The following GUCY1A2 variants were observed in gnomAD, a reference collection of about 807,000 sequenced individuals.
The protein encoded by GUCY1A2 is guanylate cyclase 1 soluble subunit alpha 2, also known as guanylate cyclase soluble subunit alpha-2.
GUCY1A2 carries 27 observed loss-of-function variants against 63.5 expected under a neutral mutation model. That is an observed-to-expected ratio of 0.43 (90% CI 0.31 to 0.59). GUCY1A2 has a LOEUF of 0.59. Among genes scored for constraint, GUCY1A2 ranks in the 20% least tolerant of loss-of-function variants. The probability of loss-of-function intolerance (pLI) is 0.11; values close to 1 mark genes in which losing one functional copy is unlikely to be tolerated. For missense variants in GUCY1A2, 768 were observed against 913.3 expected (o/e 0.84, Z 2.05); for synonymous variants, 364 against 343.5 (o/e 1.06, Z -0.66).
chr11:106,675,602 T>A lies in GUCY1A2; in HGVS notation c.*11947A>T, dbSNP rs1205511953. 1 of 189,216 alleles carries A rather than the reference T, an allele frequency of 5.3e-6. No individual in the cohort carries two copies. The highest frequency in any genetic ancestry group is 1.1e-5 in the Non-Finnish European group (1 of 90,054). 11.7% of individuals were successfully genotyped at this position (189,216 alleles called of 1,614,324 possible). ...TAATTTCTTCTATTTTTCTCAACCATATTTCTTCTATTTTTACAATCATTA... is the reference window on the plus strand; with the variant it reads ...TAATTTCTTCTATTTTTCTCAACCAAATTTCTTCTATTTTTACAATCATTA... On this transcript the variant is annotated 3_prime_UTR_variant, in exon 8 of 8. Coordinates refer to ENST00000526355, the MANE Select transcript of GUCY1A2 (RefSeq NM_000855.3).
At position 106,680,812 on chromosome 11, in the gene GUCY1A2, G is replaced by T; in HGVS notation, c.*6737C>A. 4.8e-6 allele frequency: 1 copy of T among 207,836 alleles called. No individual in the cohort carries two copies. The highest frequency in any genetic ancestry group is 1.5e-3 in the Middle Eastern group (1 of 654). 12.9% of individuals were successfully genotyped at this position (207,836 alleles called of 1,614,324 possible). ...TCGAACACACCCACCATTCAAATGG[G>T]TTCATATTCATGTTTAGGGGATTGT... On this transcript the variant is annotated 3_prime_UTR_variant, in exon 8 of 8. Coordinates refer to ENST00000526355, the MANE Select transcript of GUCY1A2 (RefSeq NM_000855.3).
intron 7 of GUCY1A2, among the ~76,000 whole-genome samples, chr11:106,707,022 G>C (rs1207613415): frequency 6.6e-6 from 1 of 152,088 alleles, no homozygotes; most frequent in African/African-American, 2.4e-5. Flanking sequence ...ATAGAATCCT[G>C]AAACTTTGTC....
At chr11:106,864,385 C>G (rs1010910072) in intron 4 of GUCY1A2, among the ~76,000 whole-genome samples, 2 of 152,006 alleles carry the variant, frequency 1.3e-5, no homozygotes, top group Non-Finnish European at 2.9e-5. Context: ...TTGACTTCCT[C>G]TCTTCCTATT....
chr11:106,737,480 T>C (rs953845738), intron 6 of GUCY1A2, among the ~76,000 whole-genome samples: 2 of 152,120 alleles, frequency 1.3e-5, no homozygotes, highest in African/African-American at 4.8e-5. Context: ...ACACGTGCCA[T>C]GGTGGTTTGC....
At chr11:106,728,431 C>T (rs1399769211) in intron 6 of GUCY1A2, among the ~76,000 whole-genome samples, 3 of 152,140 alleles carry the variant, frequency 2.0e-5, no homozygotes, top group Non-Finnish European at 4.4e-5. Context: ...AGAGAAGACA[C>T]CTCTTTGGAA....
intron 6 of GUCY1A2, among the ~76,000 whole-genome samples, chr11:106,724,735 G>A (rs531554177): frequency 2.0e-5 from 3 of 152,258 alleles, no homozygotes; most frequent in African/African-American, 4.8e-5. Flanking sequence ...ATCTCTATGT[G>A]TAAAATGAGG....
intron 4 of GUCY1A2, among the ~76,000 whole-genome samples, chr11:106,867,205 C>T (rs935573037): frequency 1.3e-5 from 2 of 151,944 alleles, no homozygotes; most frequent in Non-Finnish European, 2.9e-5. Context: ...CAAAAATGTA[C>T]AATTTATTTT....
chr11:106,726,863 A>G (rs1394906887), intron 6 of GUCY1A2, among the ~76,000 whole-genome samples: 3 of 152,168 alleles, frequency 2.0e-5, no homozygotes, highest in Admixed American at 2.0e-4. Context: ...GTTAAATCTG[A>G]ATTGAGAGAT....
chr11:106,704,887 GATAT>G (rs1320025155), intron 7 of GUCY1A2, among the ~76,000 whole-genome samples: 3 of 149,878 alleles, frequency 2.0e-5, no homozygotes, highest in African/African-American at 7.3e-5. Context: ...TAGTATATAT[GATAT>G]ATATATTATA....
Position 106,973,481 on chromosome 11 carries a change from G to C in GUCY1A2, c.487+5138C>G, listed in dbSNP as rs117613385. Among the ~76,000 whole-genome samples the C allele has an allele frequency of 3.7e-3, 564 of 152,170 alleles. 4 individuals are homozygous for C. The highest frequency in any genetic ancestry group is 6.6e-3 in the Admixed American group (101 of 15,272). ...ACTGAACTTTCCTCAATACTGACAAGAAGTTTGTCTCATACAAGCAAGTAT... is the reference window on the plus strand; with the variant it reads ...ACTGAACTTTCCTCAATACTGACAACAAGTTTGTCTCATACAAGCAAGTAT... On this transcript the variant is annotated intron_variant, in intron 3 of 7. Coordinates refer to ENST00000526355, the MANE Select transcript of GUCY1A2 (RefSeq NM_000855.3).
chr11:107,016,479 C>T (rs1249265151), intron 1 of GUCY1A2, among the ~76,000 whole-genome samples: 1 of 152,222 alleles, frequency 6.6e-6, no homozygotes, highest in East Asian at 1.9e-4. Context: ...AATGCCTGGG[C>T]AGGAATAAGG....
At chr11:107,015,240 A>G (rs1861803543) in intron 1 of GUCY1A2, among the ~76,000 whole-genome samples, 1 of 152,180 alleles carries the variant, frequency 6.6e-6, no homozygotes, top group Admixed American at 6.5e-5. Context: ...GACCCTTTTC[A>G]TAATAGAAAA....
At chr11:106,692,500 T>C (rs1160215297) in intron 7 of GUCY1A2, among the ~76,000 whole-genome samples, 4 of 152,176 alleles carry the variant, frequency 2.6e-5, no homozygotes, top group African/African-American at 9.7e-5. Flanking sequence ...TTTCTGACTC[T>C]CTCACCTCTT....
At chr11:106,950,974 G>A (rs1176706500) in intron 3 of GUCY1A2, among the ~76,000 whole-genome samples, 1 of 152,104 alleles carries the variant, frequency 6.6e-6, no homozygotes, top group Non-Finnish European at 1.5e-5. Context: ...TCCCACTTAT[G>A]AGTGAGAACA....
At chr11:106,728,179 C>T (rs1250784327) in intron 6 of GUCY1A2, among the ~76,000 whole-genome samples, 1 of 152,150 alleles carries the variant, frequency 6.6e-6, no homozygotes, top group Non-Finnish European at 1.5e-5. Flanking sequence ...GCTATTTCTT[C>T]TTCTTGCACC....
chr11:106,706,905 A>C (rs1862924060), intron 7 of GUCY1A2, among the ~76,000 whole-genome samples: 1 of 152,278 alleles, frequency 6.6e-6, no homozygotes, highest in South Asian at 2.1e-4. Flanking sequence ...GATCATCTGT[A>C]ATATGCCCAG....
intron 5 of GUCY1A2, among the ~76,000 whole-genome samples, chr11:106,799,568 G>A (rs551643242): frequency 6.6e-6 from 1 of 152,226 alleles, no homozygotes; most frequent in Admixed American, 6.5e-5. Flanking sequence ...ACAGAACAGA[G>A]TTCTCAGAAA....
Position 106,687,498 on chromosome 11 carries a change from C to T in GUCY1A2, c.*51G>A, listed in dbSNP as rs775445332. On this transcript the variant is annotated 3_prime_UTR_variant, in exon 8 of 8. Coordinates refer to ENST00000526355, the MANE Select transcript of GUCY1A2 (RefSeq NM_000855.3). ...TCTCTTTCCACCCCCCATTGGTGAC[C>T]CATGTTCTGGGCTTGTGCTTTTTGG... The T allele has an allele frequency of 3.7e-5, 50 of 1,347,434 alleles. No homozygotes were observed. In the East Asian group the frequency reaches 1.1e-3, roughly 30 times the overall value. 83.5% of individuals were successfully genotyped at this position (1,347,434 alleles called of 1,614,324 possible).
At chr11:106,698,594 C>T (rs1026547921) in intron 7 of GUCY1A2, among the ~76,000 whole-genome samples, 1 of 152,132 alleles carries the variant, frequency 6.6e-6, no homozygotes, top group Non-Finnish European at 1.5e-5. Flanking sequence ...TAACATTCCA[C>T]TTAACCTGGG....
Sources: gnomAD v4.1 joint callset for allele counts (sites outside exome capture counted in the v4.1 genomes callset) on GRCh38, gnomAD v4.1.1 for gene constraint, MANE v1.5 for transcripts, NCBI Gene and HGNC (gene_info 2026-07-23, HGNC 2026-07-21) for gene names.